POSTN: variants seen among roughly 807,000 people sequenced by gnomAD.
POSTN encodes periostin, also known as osteoblast specific factor 2 (fasciclin I-like).
A neutral mutation model predicts 104.5 loss-of-function variants in POSTN; 71 were observed. The ratio of observed to expected loss-of-function variants is 0.68; its 90% CI spans 0.56 to 0.83. POSTN has a LOEUF of 0.83. POSTN is among the 40% of genes least tolerant of loss of function. POSTN has a pLI of 0.00. For missense variants in POSTN, 949 were observed against 1,006.8 expected, an observed-to-expected ratio of 0.94 and a Z score of 0.78; for synonymous variants, 355 against 340.7, an observed-to-expected ratio of 1.04 and a Z score of -0.46.
chr13:37,576,667 A>T (rs1192450820), intron 16 of POSTN, among the ~76,000 whole-genome samples: 1 of 152,148 alleles, frequency 6.6e-6, no homozygotes, highest in Admixed American at 6.6e-5. Flanking sequence ...ATGTCTGATG[A>T]ATAGAGCCCA....
chr13:37,587,381 C>T (rs544265260), intron 5 of POSTN, among the ~76,000 whole-genome samples: 17 of 152,228 alleles, frequency 1.1e-4, no homozygotes, highest in Admixed American at 2.6e-4. Flanking sequence ...TGACCTCTTT[C>T]GTCCCTGAGA....
At chr13:37,593,159 A>G (rs528055406) in intron 2 of POSTN, among the ~76,000 whole-genome samples, 1 of 151,344 alleles carries the variant, frequency 6.6e-6, no homozygotes, top group Admixed American at 6.6e-5. Flanking sequence ...GGCAATAATT[A>G]AGGTAACAGA....
Position 37,597,181 on chromosome 13 carries a change from T to C in POSTN, c.218+3A>G, listed in dbSNP as rs746689536. 18 of 1,535,398 alleles carry C rather than the reference T, an allele frequency of 1.2e-5. No homozygotes were observed. Among genetic ancestry groups the C allele is most frequent in the Non-Finnish European group, 1.5e-5 (17 of 1,144,724 alleles). ...CATATTATGAAAAAAAAAAGAGACT[T>C]ACGTTTTCTGTCCACAGATGGACTT... On this transcript the variant is annotated splice_donor_region_variant and intron_variant, in intron 2 of 22. Coordinates refer to ENST00000379747, the MANE Select transcript of POSTN (RefSeq NM_006475.3).
chr13:37,578,143 TAAGTG>T (rs1950469124), intron 15 of POSTN, among the ~76,000 whole-genome samples: 1 of 152,228 alleles, frequency 6.6e-6, no homozygotes, highest in Non-Finnish European at 1.5e-5. Flanking sequence ...CAATTTTTTA[TAAGTG>T]AATGTTCTTT....
At chr13:37,578,813 A>AAAG (rs1950492779) in intron 15 of POSTN, 31 bp downstream of exon 15, 1 of 1,491,512 alleles carries the variant, frequency 6.7e-7, no homozygotes, top group African/African-American at 1.4e-5. Flanking sequence ...AAAAAAAAAA[A>AAAG]AAAAGAAATA....
chr13:37,590,076 T>C (rs1428170266), intron 4 of POSTN, among the ~76,000 whole-genome samples: 1 of 152,102 alleles, frequency 6.6e-6, no homozygotes, highest in Non-Finnish European at 1.5e-5. Context: ...TACATACATA[T>C]CCTCACAAAC....
chr13:37,598,720 G>A lies in POSTN; in HGVS notation c.7C>T (p.Pro3Ser), dbSNP rs1040252470. 3 of 1,612,638 alleles carry A rather than the reference G, an allele frequency of 1.9e-6. No homozygotes were observed. The highest frequency in any genetic ancestry group is 2.7e-5 in the African/African-American group (2 of 74,850). The change falls in exon 1 of 23, where the codon CCC (proline) becomes TCC (serine). Residue 3 changes from proline (P) to serine (S), a missense_variant. Transcript: ENST00000379747. MI[P>S]FLPMFSLLLL... ...AGTAGAGAAAACATGGGTAAAAAGG[G>A]AATCATCTTGAGTCTCTCCGTTGCA...
rs79227715 is a variant in POSTN, at chr13:37,572,232, T to G, written c.2090-774A>C. On this transcript the variant is annotated intron_variant, in intron 17 of 22. Transcript: ENST00000379747. Reference sequence around the variant, plus strand: ...AGTTCAGTACATTTAACTCATACTGTAATAGCCTTCAATAGTGGAATGCAA... The same window carrying G: ...AGTTCAGTACATTTAACTCATACTGGAATAGCCTTCAATAGTGGAATGCAA... 2.9e-3 allele frequency among the ~76,000 whole-genome samples: 443 copies of G among 151,802 alleles called. 11 individuals carry two copies. The East Asian group carries it at 0.046, about 16-fold the overall frequency.
chr13:37,591,861 C>T (rs1031995073), intron 3 of POSTN, among the ~76,000 whole-genome samples: 2 of 152,108 alleles, frequency 1.3e-5, no homozygotes, highest in African/African-American at 4.8e-5. Flanking sequence ...TGAAGGGAAG[C>T]TGAACTAATT....
chr13:37,597,350 T>C, intron 1 of POSTN, 68 bp from the exon 2 acceptor site: 1 of 984,524 alleles, frequency 1.0e-6, no homozygotes. Flanking sequence ...ATCTAAAGAT[T>C]GGTTGATAGA....
chr13:37,584,188 T>C lies in POSTN; in HGVS notation c.1109-85A>G, dbSNP rs1950680731. 3.3e-6 allele frequency: 5 copies of C among 1,504,132 alleles called. No individual in the cohort carries two copies. The Admixed American group carries it at 9.2e-5, about 28-fold the overall frequency. The allele number at this position is 1,504,132 out of a possible 1,614,324, so 93.2% of individuals were successfully genotyped here. ...AACTAGTAAATCAATTCCTGACTCT[T>C]TTCTAATATTGTAAGCTATTTACTG... On this transcript the variant is annotated intron_variant, in intron 8 of 22. Coordinates refer to ENST00000379747, the MANE Select transcript of POSTN (RefSeq NM_006475.3).
intron 17 of POSTN, among the ~76,000 whole-genome samples, chr13:37,572,679 A>G (rs965645800): frequency 1.3e-5 from 2 of 151,574 alleles, no homozygotes; most frequent in African/African-American, 4.8e-5. Flanking sequence ...TAGCTGCTCA[A>G]TAACTATTTG....
chr13:37,590,670 T>C (rs1950903499), intron 3 of POSTN, 141 bp from the exon 4 acceptor site: 1 of 663,834 alleles, frequency 1.5e-6, no homozygotes, highest in Admixed American at 3.9e-5. Context: ...ATCATTTTTA[T>C]ATAAAAGTTA....
chr13:37,563,305 TAA>T lies in POSTN; in HGVS notation c.*26_*27del, dbSNP rs755232469. ...GTCAGGTTATTGACTTAGGGTTGTA[TAA>T]ACATTTTTTTCTGGTTTTTGGATTT... On this transcript the variant is annotated 3_prime_UTR_variant, in exon 23 of 23. Coordinates refer to ENST00000379747, the MANE Select transcript of POSTN (RefSeq NM_006475.3). The T allele has an allele frequency of 6.5e-7, 1 of 1,544,966 alleles. No homozygotes were observed. The highest frequency in any genetic ancestry group is 8.9e-7 in the Non-Finnish European group (1 of 1,123,450).
At chr13:37,586,061 A>G (rs183751883) in intron 7 of POSTN, 78 bp downstream of exon 7, 2 of 1,337,240 alleles carry the variant, frequency 1.5e-6, no homozygotes, top group East Asian at 4.7e-5. Flanking sequence ...AACTAATATT[A>G]TTGGTAAGGA....
chr13:37,591,587 G>T (rs2138372514), intron 3 of POSTN, among the ~76,000 whole-genome samples: 1 of 152,242 alleles, frequency 6.6e-6, no homozygotes, highest in African/African-American at 2.4e-5. Flanking sequence ...GAGAATAGAA[G>T]ACTTTATTCA....
Position 37,590,403 on chromosome 13 carries a change from G to A in POSTN, c.410C>T (p.Pro137Leu), listed in dbSNP as rs769538124. ...CAAGTTGTCCCAAGCCTCATTACTC[G>A]GTGCAAAGTAAGTGAAGGATCCCTT... is the stretch of plus-strand genomic sequence containing the variant. Reference protein sequence around the residue: ...EGKGSFTYFAPSNEAWDNLDS... With the variant: ...EGKGSFTYFALSNEAWDNLDS... Residue 137 changes from proline (P) to leucine (L), a missense_variant, in exon 4 of 23, where the codon CCG becomes CTG. Coordinates refer to ENST00000379747, the MANE Select transcript of POSTN (RefSeq NM_006475.3). The A allele has an allele frequency of 1.1e-5, 17 of 1,597,600 alleles. No individual in the cohort carries two copies. Among genetic ancestry groups the A allele is most frequent in the Admixed American group, 3.5e-5 (2 of 57,732 alleles).
intron 2 of POSTN, among the ~76,000 whole-genome samples, chr13:37,594,930 C>T (rs1207600319): frequency 2.0e-5 from 3 of 150,904 alleles, no homozygotes; most frequent in Non-Finnish European, 4.4e-5. Context: ...AGTGCCCAGA[C>T]GTAACTATGT....
chr13:37,574,661 A>G lies in POSTN; in HGVS notation c.2009-9T>C. ...GGTTATAATTTTAGTTGCTGAAAGT[A>G]TAGAAAGTGGAACATGAAAAATATT... On this transcript the variant is annotated splice_polypyrimidine_tract_variant and intron_variant, in intron 16 of 22. Coordinates refer to ENST00000379747, the MANE Select transcript of POSTN (RefSeq NM_006475.3). 15 of 1,578,358 alleles carry G rather than the reference A, an allele frequency of 9.5e-6. No homozygotes were observed. Among genetic ancestry groups the G allele is most frequent in the Non-Finnish European group, 1.3e-5 (15 of 1,168,826 alleles).
Sources: allele counts gnomAD v4.1 joint callset (sites outside exome capture counted in the v4.1 genomes callset), GRCh38; gene constraint gnomAD v4.1.1; transcripts MANE v1.5; gene names NCBI Gene and HGNC (gene_info 2026-07-23, HGNC 2026-07-21).